Variants in GABRB1 observed in about 807,000 individuals in gnomAD.
GABRB1 encodes gamma-aminobutyric acid receptor subunit beta-1.
In GABRB1, 17 loss-of-function variants were observed where a neutral mutation model predicts 51.6. The observed-to-expected ratio is 0.33, with a 90% confidence interval of 0.23 to 0.49. The LOEUF (loss-of-function observed/expected upper bound fraction) is 0.49, where lower values mean the gene tolerates loss of function less well. Ranked by LOEUF, GABRB1 falls within the 20% of genes least tolerant of loss-of-function variation. The pLI is 0.99. For missense variants in GABRB1, 410 were observed against 600.6 expected (o/e 0.68, Z 3.32); for synonymous variants, 247 against 218.9 (o/e 1.13, Z -1.14).
At chr4:47,129,459 T>A (rs1716311147) in intron 3 of GABRB1, among the ~76,000 whole-genome samples, 1 of 152,174 alleles carries the variant, frequency 6.6e-6, no homozygotes, top group Admixed American at 6.5e-5. Context: ...AATGTATTCA[T>A]CATTGGCAAA....
At chr4:47,150,087 A>G (rs1240690028) in intron 3 of GABRB1, among the ~76,000 whole-genome samples, 1 of 151,918 alleles carries the variant, frequency 6.6e-6, no homozygotes, top group Admixed American at 6.6e-5. Context: ...TATTTACTTT[A>G]GCAAATTATA....
intron 4 of GABRB1, among the ~76,000 whole-genome samples, chr4:47,309,575 T>C (rs1046114026): frequency 6.6e-6 from 1 of 152,038 alleles, no homozygotes; most frequent in African/African-American, 2.4e-5. Flanking sequence ...TAAAGAACAT[T>C]TAATGATATC....
rs1348236601 is a variant in GABRB1 at position 47,333,313 on chromosome 4, T to C, written c.544+13104T>C. Among the ~76,000 whole-genome samples, 4 of 150,718 alleles carry C rather than the reference T, an allele frequency of 2.7e-5. No individual in the cohort carries two copies. In the South Asian group the frequency reaches 6.2e-4, roughly 24 times the overall value. On this transcript the variant is annotated intron_variant, in intron 5 of 8. Transcript: ENST00000295454. The stretch of plus-strand genomic sequence containing the variant: ...ATGCTATGGAAAGGGGAGTTATCTA[T>C]ACTTGGGAGAGACATGGTCATCAGC...
intron 4 of GABRB1, among the ~76,000 whole-genome samples, chr4:47,317,954 ATAT>A (rs1284619193): frequency 6.6e-6 from 1 of 151,960 alleles, no homozygotes; most frequent in African/African-American, 2.4e-5. Context: ...TAGTTTGCTA[ATAT>A]TTGTTGAGGA....
At chr4:47,153,198 T>C (rs1211036385) in intron 3 of GABRB1, among the ~76,000 whole-genome samples, 1 of 152,072 alleles carries the variant, frequency 6.6e-6, no homozygotes, top group Non-Finnish European at 1.5e-5. Flanking sequence ...TGTCTCAGCA[T>C]CTGGCATAAT....
intron 4 of GABRB1, among the ~76,000 whole-genome samples, chr4:47,280,375 A>AT (rs1491377194): frequency 6.6e-6 from 1 of 151,558 alleles, no homozygotes; most frequent in East Asian, 1.9e-4. Context: ...GTTATTTGTA[A>AT]TATTTTTGTC....
intron 4 of GABRB1, among the ~76,000 whole-genome samples, chr4:47,180,580 C>G (rs1226142679): frequency 1.3e-5 from 2 of 152,018 alleles, no homozygotes; most frequent in Non-Finnish European, 2.9e-5. Flanking sequence ...ATCAACTTAA[C>G]ATTTATAAAT....
chr4:47,064,641 C>CAAAAAAAAAAAAA (rs33963952), intron 3 of GABRB1, among the ~76,000 whole-genome samples: 2 of 58,190 alleles, frequency 3.4e-5, no homozygotes, highest in East Asian at 6.0e-4. Flanking sequence ...GACTCCATCT[C>CAAAAAAAAAAAAA]AAAAAAAAAA....
At chr4:47,324,988 G>A (rs1264170134) in intron 5 of GABRB1, among the ~76,000 whole-genome samples, 2 of 152,128 alleles carry the variant, frequency 1.3e-5, no homozygotes, top group Non-Finnish European at 2.9e-5. Flanking sequence ...ATTGCCACCA[G>A]TCTTTTCCAA....
intron 5 of GABRB1, among the ~76,000 whole-genome samples, chr4:47,326,584 G>A (rs115259258): frequency 6.6e-6 from 1 of 152,036 alleles, no homozygotes; most frequent in South Asian, 2.1e-4. Flanking sequence ...TATATCTACT[G>A]AGGGTCTTGG....
At chr4:47,403,940 T>C (rs1429360034) in intron 7 of GABRB1, among the ~76,000 whole-genome samples, 1 of 152,224 alleles carries the variant, frequency 6.6e-6, no homozygotes, top group Non-Finnish European at 1.5e-5. Flanking sequence ...TCTTGGAATA[T>C]ATCTAGCACT....
intron 4 of GABRB1, among the ~76,000 whole-genome samples, chr4:47,276,997 G>C (rs906467933): frequency 6.6e-6 from 1 of 151,978 alleles, no homozygotes; most frequent in Middle Eastern, 3.4e-3. Flanking sequence ...ATAAAACATA[G>C]GTAGGATTCT....
intron 8 of GABRB1, among the ~76,000 whole-genome samples, chr4:47,418,885 T>G (rs894288896): frequency 1.3e-5 from 2 of 152,140 alleles, no homozygotes; most frequent in Admixed American, 6.5e-5. Context: ...TGTAGTAAGG[T>G]CCAGAAGAAA....
In GABRB1 at chr4:47,397,725, C is replaced by T. The variant is rs1728226171; in HGVS notation, c.545-5593C>T. On this transcript the variant is annotated intron_variant, in intron 5 of 8. Transcript: ENST00000295454. The stretch of plus-strand genomic sequence containing the variant: ...GAGATTACAGGTGCCTGCCACCATG[C>T]TCAGCTAATTTTTTTTTTTGTATTT... 3.3e-5 allele frequency among the ~76,000 whole-genome samples: 5 copies of T among 151,988 alleles called. No individual in the cohort carries two copies. The South Asian group carries it at 1.0e-3, about 32-fold the overall frequency.
intron 3 of GABRB1, among the ~76,000 whole-genome samples, chr4:47,113,027 G>T (rs1053107704): frequency 6.6e-6 from 1 of 151,966 alleles, no homozygotes; most frequent in Non-Finnish European, 1.5e-5. Context: ...GAGTTAGAAG[G>T]TTGGATGGGA....
At chr4:47,234,329 A>C (rs1390050032) in intron 4 of GABRB1, among the ~76,000 whole-genome samples, 4 of 151,994 alleles carry the variant, frequency 2.6e-5, no homozygotes, top group Non-Finnish European at 5.9e-5. Context: ...CTCTACTAAA[A>C]ATACAAAATT....
At chr4:47,180,308 A>C (rs1482708506) in intron 4 of GABRB1, among the ~76,000 whole-genome samples, 1 of 152,096 alleles carries the variant, frequency 6.6e-6, no homozygotes. Flanking sequence ...TTTGGTGGAA[A>C]TATTTATTCT....
At chr4:47,190,428 T>G (rs537722008) in intron 4 of GABRB1, among the ~76,000 whole-genome samples, 2 of 152,108 alleles carry the variant, frequency 1.3e-5, no homozygotes, top group Non-Finnish European at 2.9e-5. Context: ...GAAACCACTG[T>G]AAACTATGTG....
chr4:47,012,297 G>A (rs896814403), intron 1 of GABRB1, among the ~76,000 whole-genome samples: 2 of 152,164 alleles, frequency 1.3e-5, no homozygotes, highest in South Asian at 2.1e-4. Flanking sequence ...CATCACCCAG[G>A]TATTAAGCCT....
Sources: gnomAD v4.1 joint callset for allele counts (sites outside exome capture counted in the v4.1 genomes callset) on GRCh38, gnomAD v4.1.1 for gene constraint, MANE v1.5 for transcripts, NCBI Gene and HGNC (gene_info 2026-07-23, HGNC 2026-07-21) for gene names.